The following OPCML variants were observed in gnomAD, a reference collection of about 807,000 sequenced individuals.
OPCML encodes the protein opioid-binding protein/cell adhesion molecule.
OPCML carries 13 observed loss-of-function variants against 37.8 expected under a neutral mutation model. The observed-to-expected ratio is 0.34, with a 90% confidence interval of 0.22 to 0.55. The LOEUF (loss-of-function observed/expected upper bound fraction) is 0.55, where lower values mean the gene tolerates loss of function less well. Ranked by LOEUF, OPCML falls within the 20% of genes least tolerant of loss-of-function variation. OPCML has a pLI of 0.91. For missense variants in OPCML, 341 were observed against 435.6 expected (o/e 0.78, Z 1.93); for synonymous variants, 176 against 168.8 (o/e 1.04, Z -0.33).
At chr11:133,268,940 C>T (rs1377066259) in intron 1 of OPCML, among the ~76,000 whole-genome samples, 4 of 152,166 alleles carry the variant, frequency 2.6e-5, no homozygotes, top group Non-Finnish European at 4.4e-5. Context: ...GACTTACATC[C>T]ATTGTAAAAT....
At chr11:133,066,101 C>T (rs1948437478) in intron 1 of OPCML, 1 of 152,898 alleles carries the variant, frequency 6.5e-6, no homozygotes, top group African/African-American at 2.4e-5. Flanking sequence ...CCAGGACCCT[C>T]AGGCCAGCAG....
At chr11:132,948,418 G>A (rs1480183539) in intron 1 of OPCML, among the ~76,000 whole-genome samples, 1 of 152,210 alleles carries the variant, frequency 6.6e-6, no homozygotes, top group Non-Finnish European at 1.5e-5. Context: ...TCTGTGTTAC[G>A]GCAGTGGGGG....
chr11:133,037,126 G>A (rs1204456380), intron 1 of OPCML, among the ~76,000 whole-genome samples: 6 of 152,154 alleles, frequency 3.9e-5, no homozygotes, highest in Admixed American at 2.6e-4. Flanking sequence ...GATAGTGAAA[G>A]GCTGAAAATC....
chr11:133,498,652 C>G (rs1947838768), intron 1 of OPCML, among the ~76,000 whole-genome samples: 1 of 152,158 alleles, frequency 6.6e-6, no homozygotes, highest in Non-Finnish European at 1.5e-5. Flanking sequence ...CAAATGTAGG[C>G]ACATAGATGC....
chr11:133,182,583 C>T (rs1937885645), intron 1 of OPCML, among the ~76,000 whole-genome samples: 1 of 152,104 alleles, frequency 6.6e-6, no homozygotes, highest in African/African-American at 2.4e-5. Context: ...AAAGGGGTAT[C>T]CTAATGTCCA....
intron 1 of OPCML, among the ~76,000 whole-genome samples, chr11:133,227,946 C>T (rs1489705943): frequency 6.6e-6 from 1 of 152,214 alleles, no homozygotes; most frequent in Non-Finnish European, 1.5e-5. Flanking sequence ...TGACCAGTGT[C>T]CATTTCCTGA....
intron 1 of OPCML, among the ~76,000 whole-genome samples, chr11:133,294,796 TTTCTTTCTTTC>T (rs1942581286): frequency 7.3e-6 from 1 of 137,714 alleles, no homozygotes; most frequent in Non-Finnish European, 1.5e-5. Flanking sequence ...TCTTTTTTTT[TTTCTTTCTTTC>T]TTTCTTTCTT....
At chr11:133,419,390 TTGCTAA>T in intron 1 of OPCML, 1 of 968,618 alleles carries the variant, frequency 1.0e-6, no homozygotes, top group African/African-American at 1.8e-5. Flanking sequence ...TCAGAGCTTA[TTGCTAA>T]ATTTTCAGAA....
At chr11:132,733,743 C>T (rs1945162206) in intron 2 of OPCML, among the ~76,000 whole-genome samples, 1 of 151,894 alleles carries the variant, frequency 6.6e-6, no homozygotes, top group Non-Finnish European at 1.5e-5. Context: ...ACAAAGGTTA[C>T]AAAAGAGAGA....
intron 2 of OPCML, among the ~76,000 whole-genome samples, chr11:132,664,034 G>C (rs1030542389): frequency 6.6e-6 from 1 of 151,982 alleles, no homozygotes; most frequent in Admixed American, 6.5e-5. Flanking sequence ...GGGTTTCACT[G>C]CGTTAGCCAG....
chr11:132,834,825 A>G (rs773189978), intron 2 of OPCML, among the ~76,000 whole-genome samples: 4 of 152,120 alleles, frequency 2.6e-5, no homozygotes, highest in Non-Finnish European at 4.4e-5. Flanking sequence ...GGGGAACACC[A>G]TTTCACCCAT....
At chr11:132,889,220 G>GGGAGGAAGTCGGAATAATGGT (rs1943545683) in intron 2 of OPCML, among the ~76,000 whole-genome samples, 1 of 152,212 alleles carries the variant, frequency 6.6e-6, no homozygotes, top group South Asian at 2.1e-4. Context: ...TTCTGGGCAA[G>GGGAGGAAGTCGGAATAATGGT]GGAGGAAGTC....
chr11:132,482,944 CA>C (rs1383782427), intron 4 of OPCML, among the ~76,000 whole-genome samples: 1 of 139,308 alleles, frequency 7.2e-6, no homozygotes, highest in Admixed American at 7.4e-5. Flanking sequence ...CTATCTATGA[CA>C]AACCCACAGC....
At chr11:133,053,584 C>T (rs139760169) in intron 1 of OPCML, among the ~76,000 whole-genome samples, 3 of 152,286 alleles carry the variant, frequency 2.0e-5, no homozygotes, top group African/African-American at 7.2e-5. Flanking sequence ...ATGAAATTTC[C>T]TCTTATTCTA....
At chr11:132,841,124 A>G (rs753030212) in intron 2 of OPCML, among the ~76,000 whole-genome samples, 1 of 152,254 alleles carries the variant, frequency 6.6e-6, no homozygotes, top group Non-Finnish European at 1.5e-5. Flanking sequence ...TAAGGGTTCT[A>G]TAAGCATTAG....
At chr11:132,762,631 T>C (rs1946303315) in intron 2 of OPCML, among the ~76,000 whole-genome samples, 1 of 152,166 alleles carries the variant, frequency 6.6e-6, no homozygotes, top group Non-Finnish European at 1.5e-5. Flanking sequence ...AAACCACCTA[T>C]TCAAGCCTCA....
chr11:132,655,203 T>C lies in OPCML; in HGVS notation c.379+1884A>G, dbSNP rs1419651445. On this transcript the variant is annotated intron_variant, in intron 3 of 7. Coordinates refer to ENST00000524381, the MANE Select transcript of OPCML (RefSeq NM_001012393.5). ...TCTACAGTGCCTGACAGTTCTTTTT[T>C]ATTTCGGTGCCACATTTCCTGAATT... Among the ~76,000 whole-genome samples, 3 of 152,254 alleles carry C rather than the reference T, an allele frequency of 2.0e-5. No homozygotes were observed. The East Asian group carries it at 5.8e-4, about 29-fold the overall frequency.
At chr11:133,009,659 T>C (rs1184246590) in intron 1 of OPCML, among the ~76,000 whole-genome samples, 1 of 152,212 alleles carries the variant, frequency 6.6e-6, no homozygotes, top group Non-Finnish European at 1.5e-5. Context: ...CCGCACCACC[T>C]CAGATCATCA....
At position 133,212,609 on chromosome 11, in the gene OPCML, C is replaced by T. The variant is rs1939410276; in HGVS notation, c.62-269599G>A. Among the ~76,000 whole-genome samples, 1 of 152,242 alleles carries T rather than the reference C, an allele frequency of 6.6e-6. No individual in the cohort carries two copies. Among genetic ancestry groups the T allele is most frequent in the Admixed American group, 6.5e-5 (1 of 15,284 alleles). ...CTTTTACTTTCTCACTTGTCCAAAG[C>T]CCTTGTCATCTTCTAACAGCCTCTG... On this transcript the variant is annotated intron_variant, in intron 1 of 7. Transcript: ENST00000524381. This position sits in a 1 kb window ranked among gnomAD's most constrained non-coding sequence, Gnocchi z 4.9.
Sources: allele counts gnomAD v4.1 joint callset (sites outside exome capture counted in the v4.1 genomes callset), GRCh38; gene constraint gnomAD v4.1.1; non-coding constraint Gnocchi (gnomAD v3.1); transcripts MANE v1.5; gene names NCBI Gene and HGNC (gene_info 2026-07-23, HGNC 2026-07-21).